Variants in TNS3 observed in about 807,000 individuals in gnomAD.
The protein encoded by TNS3 is tensin 3.
A neutral mutation model predicts 140.9 loss-of-function variants in TNS3; 45 were observed. The observed-to-expected ratio is 0.32, with a 90% CI of 0.25 to 0.41. The LOEUF is 0.41. TNS3 is among the 10% of genes least tolerant of loss of function. The pLI, the probability that TNS3 is intolerant of heterozygous loss-of-function variation, is 1.00. For missense variants in TNS3, 1,716 were observed against 1,906.7 expected, an observed-to-expected ratio of 0.90 and a Z score of 1.86; for synonymous variants, 815 against 788.4, an observed-to-expected ratio of 1.03 and a Z score of -0.56.
Position 47,435,407 on chromosome 7 carries a change from G to GC in TNS3, c.202-4dup. 1.9e-6 allele frequency: 3 copies of GC among 1,613,222 alleles called. No homozygotes were observed. The South Asian group carries it at 3.3e-5, about 18-fold the overall frequency. The stretch of plus-strand genomic sequence containing the variant: ...TCTGGCCAGCCCACATCCATGATCT[G>GC]CAACAAGAAAGGGGAGCTTCCTCGG... On this transcript the variant is annotated splice_region_variant and splice_polypyrimidine_tract_variant and intron_variant, in intron 7 of 30. Transcript: ENST00000311160.
rs543368489 is a variant in TNS3 at position 47,405,730 on chromosome 7, C to T, written c.724-4816G>A. Among the ~76,000 whole-genome samples the T allele has an allele frequency of 2.6e-4, 40 of 152,250 alleles. 1 individual carries two copies. The highest frequency in any genetic ancestry group is 2.2e-3 in the Admixed American group (33 of 15,292). The stretch of plus-strand genomic sequence containing the variant: ...CCAACAGAGATCTGTAGAAACCTCT[C>T]CTGGGGCAGAGTCTCAGGAGAACAC... On this transcript the variant is annotated intron_variant, in intron 13 of 30. Transcript: ENST00000311160.
intron 10 of TNS3, among the ~76,000 whole-genome samples, chr7:47,421,144 A>G (rs1397835216): frequency 1.3e-5 from 2 of 152,218 alleles, no homozygotes; most frequent in Non-Finnish European, 2.9e-5. Context: ...GCCAAGAAAC[A>G]TGTGCTGCTG....
chr7:47,329,738 AGGCGGCACGG>A (rs1181324429), intron 20 of TNS3, among the ~76,000 whole-genome samples: 1 of 152,146 alleles, frequency 6.6e-6, no homozygotes, highest in East Asian at 1.9e-4. Context: ...GCAGAGAGGA[AGGCGGCACGG>A]GGCGGCACCA....
chr7:47,388,904 A>AGG (rs1221850652), intron 16 of TNS3, among the ~76,000 whole-genome samples: 4 of 20,268 alleles, frequency 2.0e-4, no homozygotes, highest in Non-Finnish European at 4.2e-4. Context: ...AGAAAGAAGA[A>AGG]GAAGGGGAGA....
At chr7:47,365,344 CT>C (rs1392646827) in intron 17 of TNS3, among the ~76,000 whole-genome samples, 1 of 151,190 alleles carries the variant, frequency 6.6e-6, no homozygotes, top group African/African-American at 2.4e-5. Context: ...ACTCGGGAGG[CT>C]GAGCCAAGAG....
chr7:47,503,779 G>A (rs1169364470), intron 3 of TNS3, among the ~76,000 whole-genome samples: 1 of 152,110 alleles, frequency 6.6e-6, no homozygotes, highest in African/African-American at 2.4e-5. Context: ...CAAGGTTCTA[G>A]GGTTGGGAAG....
At chr7:47,562,413 T>G (rs1022291446) in intron 1 of TNS3, among the ~76,000 whole-genome samples, 5 of 151,286 alleles carry the variant, frequency 3.3e-5, no homozygotes, top group African/African-American at 1.2e-4. Context: ...CCATATGGAG[T>G]TTCACTCTTG....
At chr7:47,283,981 G>T in intron 27 of TNS3, 116 bp from the exon 28 acceptor site, 3 of 962,340 alleles carry the variant, frequency 3.1e-6, no homozygotes, top group Non-Finnish European at 4.4e-6. Context: ...TTGCGCATGT[G>T]GCCTATGCTG....
At chr7:47,399,065 C>A (rs1438829647) in intron 15 of TNS3, among the ~76,000 whole-genome samples, 5 of 107,006 alleles carry the variant, frequency 4.7e-5, no homozygotes, top group East Asian at 5.8e-4. Flanking sequence ...GAACTCAATT[C>A]TTTTTACGAC....
At chr7:47,497,662 AACACACACAC>A (rs6150097) in intron 3 of TNS3, among the ~76,000 whole-genome samples, 10 of 91,138 alleles carry the variant, frequency 1.1e-4, no homozygotes, top group Non-Finnish European at 1.8e-4. Flanking sequence ...TCACGTATGG[AACACACACAC>A]ACACACACAC....
At chr7:47,462,575 T>C (rs1029019539) in intron 4 of TNS3, among the ~76,000 whole-genome samples, 7 of 152,194 alleles carry the variant, frequency 4.6e-5, no homozygotes, top group Admixed American at 3.9e-4. Flanking sequence ...GAATCTACTG[T>C]AATTGATTAG....
chr7:47,445,202 C>T (rs1009907901), intron 4 of TNS3, among the ~76,000 whole-genome samples: 5 of 152,208 alleles, frequency 3.3e-5, no homozygotes, highest in Non-Finnish European at 5.9e-5. Flanking sequence ...CGCATCTGTC[C>T]ACCTCATGCC....
intron 4 of TNS3, among the ~76,000 whole-genome samples, chr7:47,454,881 GTCA>G (rs1419543839): frequency 6.6e-6 from 1 of 152,184 alleles, no homozygotes; most frequent in African/African-American, 2.4e-5. Context: ...GTTAATGTCA[GTCA>G]TCTCCGGAGT....
At chr7:47,281,361 A>G (rs1785136458) in intron 28 of TNS3, among the ~76,000 whole-genome samples, 1 of 152,186 alleles carries the variant, frequency 6.6e-6, no homozygotes. Flanking sequence ...GAGGATGCCC[A>G]ACTCAACACT....
intron 3 of TNS3, among the ~76,000 whole-genome samples, chr7:47,503,443 A>G (rs35267224): frequency 0.35 from 53,027 of 151,708 alleles, 9,951 homozygotes; most frequent in African/African-American, 0.49. Context: ...CACTCTTGCC[A>G]GTAAGTCAAG....
At chr7:47,316,995 T>C (rs2150812830) in intron 20 of TNS3, among the ~76,000 whole-genome samples, 1 of 152,208 alleles carries the variant, frequency 6.6e-6, no homozygotes, top group African/African-American at 2.4e-5. Flanking sequence ...CAAACAAAAA[T>C]GATGAAAAAC....
At chr7:47,453,314 G>A (rs1397478495) in intron 4 of TNS3, 6 of 948,362 alleles carry the variant, frequency 6.3e-6, no homozygotes, top group Non-Finnish European at 6.3e-6. Flanking sequence ...AGGAAGCTGA[G>A]TGGCTGTGCC....
intron 20 of TNS3, among the ~76,000 whole-genome samples, chr7:47,339,162 T>C (rs977276028): frequency 2.6e-5 from 4 of 152,226 alleles, no homozygotes; most frequent in African/African-American, 9.6e-5. Flanking sequence ...GTTTGTCTTT[T>C]TTATCCTCTT....
rs74948722 is a variant in TNS3, at chr7:47,493,062, G to A, written c.-114-11921C>T. 1.2e-3 allele frequency among the ~76,000 whole-genome samples: 184 copies of A among 152,332 alleles called. 2 individuals carry two copies. Among genetic ancestry groups the A allele is most frequent in the African/African-American group, 4.2e-3 (175 of 41,570 alleles). On this transcript the variant is annotated intron_variant, in intron 3 of 30. Transcript: ENST00000311160. The stretch of plus-strand genomic sequence containing the variant: ...TTCATATCAAGCCCTGGCTTCCACT[G>A]ACCTGTTGCTAATGACAAGGCAGAG...
Sources: allele counts gnomAD v4.1 joint callset (sites outside exome capture counted in the v4.1 genomes callset), GRCh38; gene constraint gnomAD v4.1.1; transcripts MANE v1.5; gene names NCBI Gene and HGNC (gene_info 2026-07-23, HGNC 2026-07-21).